BLK: variants seen among roughly 807,000 people sequenced by gnomAD.
BLK encodes tyrosine-protein kinase Blk.
A neutral mutation model predicts 61.8 loss-of-function variants in BLK; 64 were observed. The ratio of observed to expected loss-of-function variants is 1.03; its 90% CI spans 0.85 to 1.27. The LOEUF is 1.27. Among genes scored for constraint, BLK ranks in the 50% most tolerant of loss-of-function variants. The probability of loss-of-function intolerance (pLI) is 0.00; values close to 1 mark genes in which losing one functional copy is unlikely to be tolerated. For synonymous variants in BLK, 351 were observed against 272.0 expected, an observed-to-expected ratio of 1.29 and a Z score of -2.86; for missense variants, 853 against 660.5, an observed-to-expected ratio of 1.29 and a Z score of -3.19.
chr8:11,513,876 C>G (rs533759438), intron 1 of BLK, among the ~76,000 whole-genome samples: 2 of 152,320 alleles, frequency 1.3e-5, no homozygotes, highest in South Asian at 4.1e-4. Context: ...AATGGAGCAG[C>G]TGGGCCCGAC....
At chr8:11,518,444 G>A (rs944011665) in intron 1 of BLK, among the ~76,000 whole-genome samples, 3 of 152,164 alleles carry the variant, frequency 2.0e-5, no homozygotes, top group Admixed American at 6.5e-5. Flanking sequence ...GGGGGCAGAA[G>A]ATTTTAATCT....
chr8:11,504,265 G>T (rs1424801216), intron 1 of BLK, among the ~76,000 whole-genome samples: 1 of 151,932 alleles, frequency 6.6e-6, no homozygotes, highest in Admixed American at 6.6e-5. Context: ...AAAGGTTGCA[G>T]TGAGCTGAGA....
rs1204192053 is a variant in BLK at position 11,564,569 on chromosome 8, G to A, written c.*461G>A. On this transcript the variant is annotated 3_prime_UTR_variant, in exon 13 of 13. Coordinates refer to ENST00000259089, the MANE Select transcript of BLK (RefSeq NM_001715.3). ...CTAGGCTGCGCTCCAGCACTGCGGG[G>A]CTTTTCTGCAATAAAGTCACGAGCG... 4 of 438,688 alleles carry A rather than the reference G, an allele frequency of 9.1e-6. No individual in the cohort carries two copies. Among genetic ancestry groups the A allele is most frequent in the African/African-American group, 2.0e-5 (1 of 49,690 alleles). The allele number at this position is 438,688 out of a possible 1,614,324, so 27.2% of individuals were successfully genotyped here.
intron 7 of BLK, among the ~76,000 whole-genome samples, 191 bp from the exon 8 acceptor site, chr8:11,555,141 G>T (rs1487912190): frequency 1.3e-5 from 2 of 152,174 alleles, no homozygotes; most frequent in African/African-American, 4.8e-5. Context: ...CGATTTTAGA[G>T]ATAGCATGCC....
chr8:11,517,455 A>C (rs955250235), intron 1 of BLK, among the ~76,000 whole-genome samples: 2 of 152,170 alleles, frequency 1.3e-5, no homozygotes, highest in Admixed American at 1.3e-4. Context: ...TCTGACTTCT[A>C]CCAGCCACTT....
At chr8:11,533,998 G>A (rs1046182898) in intron 1 of BLK, among the ~76,000 whole-genome samples, 1 of 152,176 alleles carries the variant, frequency 6.6e-6, no homozygotes, top group Non-Finnish European at 1.5e-5. Context: ...CCAGAAGCTC[G>A]GCCAATTGAA....
In BLK at chr8:11,520,799, C is replaced by T. The variant is rs186376767; in HGVS notation, c.-1-22425C>T. On this transcript the variant is annotated intron_variant, in intron 1 of 12. Coordinates refer to ENST00000259089, the MANE Select transcript of BLK (RefSeq NM_001715.3). ...GTTTGTCTTTCAGGGAAATCTAAGACAAGTAATTGAAAAGCTATTAGAGCT... is the reference window on the plus strand; with the variant it reads ...GTTTGTCTTTCAGGGAAATCTAAGATAAGTAATTGAAAAGCTATTAGAGCT... Among the ~76,000 whole-genome samples the T allele has an allele frequency of 1.3e-3, 200 of 152,124 alleles. 1 individual carries two copies. The highest frequency in any genetic ancestry group is 1.0e-3 in the Non-Finnish European group (71 of 67,998).
chr8:11,545,523 TG>T (rs1160599614), intron 2 of BLK, among the ~76,000 whole-genome samples: 2 of 152,160 alleles, frequency 1.3e-5, no homozygotes, highest in African/African-American at 4.8e-5. Flanking sequence ...CACTCCAGCC[TG>T]GGCAACAGAG....
chr8:11,515,430 C>G (rs1055197798), intron 1 of BLK, among the ~76,000 whole-genome samples: 2 of 152,164 alleles, frequency 1.3e-5, no homozygotes, highest in African/African-American at 4.8e-5. Context: ...CCACCTGAGT[C>G]CTCAGGGCCT....
Position 11,549,085 on chromosome 8 carries a change from A to C in BLK, c.331A>C (p.Asn111His). The C allele has an allele frequency of 6.2e-7, 1 of 1,611,012 alleles. No individual in the cohort carries two copies. Among genetic ancestry groups the C allele is most frequent in the Non-Finnish European group, 8.5e-7 (1 of 1,178,862 alleles). ...VTGREGYVPS[N>H]FVARVESLEM... is the part of the protein sequence containing the mutation. ...AGGAAGAGAAGGCTATGTGCCCAGT[A>C]ACTTTGTGGCCCGAGTGGAGAGCCT... The change falls in exon 5 of 13, where the codon AAC becomes CAC. Residue 111 changes from asparagine (N) to histidine (H), a missense_variant. By Grantham distance (68) the Asn-to-His change is moderately conservative. Coordinates refer to ENST00000259089, the MANE Select transcript of BLK (RefSeq NM_001715.3).
chr8:11,525,571 C>A (rs1799621850), intron 1 of BLK, among the ~76,000 whole-genome samples: 1 of 152,036 alleles, frequency 6.6e-6, no homozygotes, highest in Admixed American at 6.6e-5. Context: ...AATTTATTTA[C>A]CTATCTATTC....
chr8:11,563,973 GCC>G lies in BLK; in HGVS notation c.1385_1386del (p.Pro462ArgfsTer?), dbSNP rs773907296. 1 of 1,606,190 alleles carries G rather than the reference GCC, an allele frequency of 6.2e-7. No individual in the cohort carries two copies. Among genetic ancestry groups the G allele is most frequent in the African/African-American group, 1.3e-5 (1 of 74,902 alleles). On this transcript the variant is annotated frameshift_variant, in exon 13 of 13. Transcript: ENST00000259089. LOFTEE classifies it high-confidence loss of function. ...YRMPRPDTCPPELYRGVIAEC... is the reference protein window; with the variant it reads ...YRMPRPDTCPXELYRGVIAEC... ...GCATGCCGCGCCCCGACACCTGCCC[GCC>G]CGAGCTGTACCGCGGCGTCATCGCC...
chr8:11,559,744 CTCTA>C, intron 10 of BLK: 2 of 456,274 alleles, frequency 4.4e-6, no homozygotes, highest in South Asian at 3.1e-5. Context: ...CTCGCCACCC[CTCTA>C]CCTCCTCTGC....
chr8:11,518,666 A>C (rs1799320328), intron 1 of BLK, among the ~76,000 whole-genome samples: 1 of 152,162 alleles, frequency 6.6e-6, no homozygotes, highest in African/African-American at 2.4e-5. Context: ...CAACAGCTGC[A>C]GTGATCCCTT....
At chr8:11,517,500 G>A (rs534283218) in intron 1 of BLK, among the ~76,000 whole-genome samples, 1 of 152,316 alleles carries the variant, frequency 6.6e-6, no homozygotes, top group East Asian at 1.9e-4. Flanking sequence ...CCTCCCAGCT[G>A]CCAAGCACGC....
chr8:11,528,703 A>C (rs1478711419), intron 1 of BLK, among the ~76,000 whole-genome samples: 5 of 152,242 alleles, frequency 3.3e-5, no homozygotes, highest in Admixed American at 3.3e-4. Flanking sequence ...CAACATGTGT[A>C]TAACGAAAAC....
At chr8:11,550,084 C>T in intron 5 of BLK, 75 bp from the exon 6 acceptor site, 3 of 1,306,158 alleles carry the variant, frequency 2.3e-6, no homozygotes, top group Non-Finnish European at 2.2e-6. Flanking sequence ...ACAGGCAGTG[C>T]AGGAGGGAGG....
In BLK at chr8:11,560,973, C is replaced by A. The variant is rs1195748200; in HGVS notation, c.1030-329C>A. ...CCCCTCCTTCCTTACCATTTCTTCT[C>A]TTCTCCCTCCCTCTCCTTTTCTCCT... On this transcript the variant is annotated intron_variant, in intron 10 of 12. Coordinates refer to ENST00000259089, the MANE Select transcript of BLK (RefSeq NM_001715.3). 5.7e-6 allele frequency: 3 copies of A among 525,484 alleles called. No individual in the cohort carries two copies. In the East Asian group the frequency reaches 1.4e-4, roughly 25 times the overall value. The allele number at this position is 525,484 out of a possible 1,614,324, so 32.6% of individuals were successfully genotyped here.
intron 1 of BLK, among the ~76,000 whole-genome samples, chr8:11,533,685 G>A (rs1235791768): frequency 6.6e-6 from 1 of 150,522 alleles, no homozygotes; most frequent in Non-Finnish European, 1.5e-5. Flanking sequence ...TGGGGAGGGG[G>A]AGGATCTATC....
Sources: gnomAD v4.1 joint callset for allele counts (sites outside exome capture counted in the v4.1 genomes callset) on GRCh38, gnomAD v4.1.1 for gene constraint, MANE v1.5 for transcripts, NCBI Gene and HGNC (gene_info 2026-07-23, HGNC 2026-07-21) for gene names.